Variants in HDLBP observed in about 807,000 individuals in gnomAD.
The protein encoded by HDLBP is high density lipoprotein binding protein, also known as vigilin.
In HDLBP, 30 loss-of-function variants were observed where a neutral mutation model predicts 137.3. That is an observed-to-expected ratio of 0.22 (90% CI 0.16 to 0.30). The LOEUF (loss-of-function observed/expected upper bound fraction) is 0.30. Among genes scored for constraint, HDLBP ranks in the 10% least tolerant of loss-of-function variants. HDLBP has a pLI of 1.00. For missense variants in HDLBP, 1,119 were observed against 1,667.3 expected, an observed-to-expected ratio of 0.67 and a Z score of 5.73; for synonymous variants, 606 against 596.0, an observed-to-expected ratio of 1.02 and a Z score of -0.24.
Position 241,239,529 on chromosome 2 carries a change from G to A in HDLBP, c.2610+73C>T, listed in dbSNP as rs2070987768. The A allele has an allele frequency of 3.3e-5, 41 of 1,254,216 alleles. No homozygotes were observed. The highest frequency in any genetic ancestry group is 2.9e-4 in the South Asian group (23 of 78,602). The allele number at this position is 1,254,216 out of a possible 1,614,324, so 77.7% of individuals were successfully genotyped here. ...GAGTCACCTCCCTACAGGGTGGAGC[G>A]AACACTCATACACGGCTTCGGTGAG... is the stretch of plus-strand genomic sequence containing the variant. On this transcript the variant is annotated intron_variant, in intron 19 of 27. Transcript: ENST00000310931. The surrounding 1 kb of genome is among the most constrained non-coding windows in gnomAD (Gnocchi z 4.6).
At chr2:241,271,273 G>A (rs2074016981) in intron 1 of HDLBP, 1 of 354,886 alleles carries the variant, frequency 2.8e-6, no homozygotes, top group African/African-American at 2.2e-5. Context: ...AAACTATACT[G>A]AACCTGGACT....
chr2:241,281,646 CCTT>C (rs1012700371), intron 1 of HDLBP, among the ~76,000 whole-genome samples: 80 of 152,322 alleles, frequency 5.3e-4, no homozygotes, highest in African/African-American at 1.9e-3. Context: ...GTCACTACAG[CCTT>C]CACACGTGGC....
At chr2:241,280,367 T>TGTA (rs2074548906) in intron 1 of HDLBP, among the ~76,000 whole-genome samples, 2 of 152,234 alleles carry the variant, frequency 1.3e-5, no homozygotes, top group African/African-American at 2.4e-5. Context: ...TATATATTAT[T>TGTA]ACATTAAACT....
Position 241,271,054 on chromosome 2 carries a change from G to A in HDLBP, c.-102-2513C>T, listed in dbSNP as rs1486550203. The A allele has an allele frequency of 3.0e-6, 3 of 985,264 alleles. No individual in the cohort carries two copies. The African/African-American group carries it at 5.2e-5, about 17-fold the overall frequency. The allele number at this position is 985,264 out of a possible 1,614,324, so 61.0% of individuals were successfully genotyped here. On this transcript the variant is annotated intron_variant, in intron 1 of 27. Coordinates refer to ENST00000310931, the MANE Select transcript of HDLBP (RefSeq NM_005336.6). ...CTGTAAACGCTCCACCTCAAGTTAT[G>A]ACAAAATCTACAACTTCTTTCCCCT... is the stretch of plus-strand genomic sequence containing the variant.
At chr2:241,241,857 A>G (rs2071271260) in intron 17 of HDLBP, among the ~76,000 whole-genome samples, 1 of 152,216 alleles carries the variant, frequency 6.6e-6, no homozygotes, top group Admixed American at 6.5e-5. Flanking sequence ...CAAAAGTCAA[A>G]ACTGCTGAGC....
chr2:241,294,988 G>A (rs915760457), intron 1 of HDLBP, among the ~76,000 whole-genome samples: 4 of 152,122 alleles, frequency 2.6e-5, no homozygotes, highest in Non-Finnish European at 4.4e-5. Flanking sequence ...TGTGATCCCA[G>A]CTACTCGGGA....
At position 241,238,541 on chromosome 2, in the gene HDLBP, T is replaced by C. The variant is rs1478592275; in HGVS notation, c.2749+108A>G. 4 of 914,510 alleles carry C rather than the reference T, an allele frequency of 4.4e-6. No individual in the cohort carries two copies. Among genetic ancestry groups the C allele is most frequent in the Non-Finnish European group, 6.3e-6 (4 of 636,552 alleles). The allele number at this position is 914,510 out of a possible 1,614,324, so 56.6% of individuals were successfully genotyped here. On this transcript the variant is annotated intron_variant, in intron 20 of 27. Transcript: ENST00000310931. The surrounding 1 kb of genome is among the most constrained non-coding windows in gnomAD (Gnocchi z 4.9). ...GGAAGCCCCCAGAATACATAGATGG[T>C]TTTCCAGCAGAGACAGGAAAGAGCC...
chr2:241,272,406 CAGGGGTG>C lies in HDLBP; in HGVS notation c.-102-3872_-102-3866del. ...CCTCCGCGCCGTGCGGCCACGGCAC[CAGGGGTG>C]CCCCACCGAAGCCCCGGGAGGAGGC... is the stretch of plus-strand genomic sequence containing the variant. On this transcript the variant is annotated intron_variant, in intron 1 of 27. Coordinates refer to ENST00000310931, the MANE Select transcript of HDLBP (RefSeq NM_005336.6). This position sits in a 1 kb window ranked among gnomAD's most constrained non-coding sequence, Gnocchi z 5.6. 1.0e-6 allele frequency: 1 copy of C among 984,592 alleles called. No homozygotes were observed. 61.0% of individuals were successfully genotyped at this position (984,592 alleles called of 1,614,324 possible).
chr2:241,282,154 C>T (rs1380094773), intron 1 of HDLBP, among the ~76,000 whole-genome samples: 2 of 152,160 alleles, frequency 1.3e-5, no homozygotes, highest in African/African-American at 4.8e-5. Flanking sequence ...AAGAGGAGCA[C>T]GTTACGTTTA....
At chr2:241,290,348 C>T (rs1164327392) in intron 1 of HDLBP, among the ~76,000 whole-genome samples, 1 of 152,112 alleles carries the variant, frequency 6.6e-6, no homozygotes, top group Non-Finnish European at 1.5e-5. Flanking sequence ...CAGTGGTTTA[C>T]GCCTGTAATC....
At position 241,262,911 on chromosome 2, in the gene HDLBP, G is replaced by A. The variant is rs149970855; in HGVS notation, c.250C>T (p.Leu84=). Reference sequence around the variant, plus strand: ...ATATCCTTGTATTTTCTCTCCTCCAGGGGTACATGGAACACCTGCTCAAAA... The same window carrying A: ...ATATCCTTGTATTTTCTCTCCTCCAAGGGTACATGGAACACCTGCTCAAAA... ...SVITQVFHVP[L]EERKYKDMNQ... The change falls in exon 5 of 28, where the codon CTG becomes TTG. Residue 84 remains leucine, a synonymous_variant. Transcript: ENST00000310931. 2.1e-5 allele frequency: 34 copies of A among 1,613,578 alleles called. No homozygotes were observed. Among genetic ancestry groups the A allele is most frequent in the Middle Eastern group, 1.6e-4 (1 of 6,062 alleles).
At chr2:241,292,414 G>C (rs573071666) in intron 1 of HDLBP, among the ~76,000 whole-genome samples, 1 of 152,174 alleles carries the variant, frequency 6.6e-6, no homozygotes, top group African/African-American at 2.4e-5. Context: ...GATTTTCAAA[G>C]AGCTAAGAGG....
chr2:241,236,977 TGGGGGGG>T (rs530665718), intron 20 of HDLBP, among the ~76,000 whole-genome samples: 41 of 108,248 alleles, frequency 3.8e-4, no homozygotes, highest in African/African-American at 1.5e-3. Flanking sequence ...TCCCAGACCT[TGGGGGGG>T]GGGGGGGGGG....
chr2:241,257,548 T>C (rs1420398034), intron 5 of HDLBP, among the ~76,000 whole-genome samples: 1 of 151,222 alleles, frequency 6.6e-6, no homozygotes, highest in African/African-American at 2.4e-5. Flanking sequence ...GTGTTTCTAA[T>C]AGAAAAAAGG....
rs1574819015 is a variant in HDLBP, at chr2:241,229,478, T to C, written c.*123A>G. The stretch of plus-strand genomic sequence containing the variant: ...CAGGCGCTAGGCTCCCTGCGGGACC[T>C]CGGGAAGGGGGAAGAGCGTCAACAA... On this transcript the variant is annotated 3_prime_UTR_variant, in exon 28 of 28. Coordinates refer to ENST00000310931, the MANE Select transcript of HDLBP (RefSeq NM_005336.6). 1.4e-6 allele frequency: 1 copy of C among 736,004 alleles called. No homozygotes were observed. The highest frequency in any genetic ancestry group is 2.3e-6 in the Non-Finnish European group (1 of 443,706). 45.6% of individuals were successfully genotyped at this position (736,004 alleles called of 1,614,324 possible). A position where few individuals can be genotyped will look rare whatever the true frequency, so the allele number is the denominator to read the frequency against.
intron 1 of HDLBP, among the ~76,000 whole-genome samples, chr2:241,289,435 A>G (rs1393532764): frequency 6.6e-6 from 1 of 152,198 alleles, no homozygotes; most frequent in Non-Finnish European, 1.5e-5. Flanking sequence ...TCAACATTAA[A>G]CTGCACGAAT....
chr2:241,235,420 G>A lies in HDLBP; in HGVS notation c.3009+70C>T, dbSNP rs2070286546. On this transcript the variant is annotated intron_variant, in intron 22 of 27. Transcript: ENST00000310931. ...GCAGAGTCAACAGGAAGTTGAGAAAGGACACTGGCACTCGGGAGAGGATGC... is the reference window on the plus strand; with the variant it reads ...GCAGAGTCAACAGGAAGTTGAGAAAAGACACTGGCACTCGGGAGAGGATGC... The A allele has an allele frequency of 2.1e-6, 3 of 1,459,524 alleles. No homozygotes were observed. In the Admixed American group the frequency reaches 5.1e-5, roughly 25 times the overall value. 90.4% of individuals were successfully genotyped at this position (1,459,524 alleles called of 1,614,324 possible).
At chr2:241,294,484 A>T (rs1376919199) in intron 1 of HDLBP, among the ~76,000 whole-genome samples, 2 of 152,202 alleles carry the variant, frequency 1.3e-5, no homozygotes, top group Admixed American at 6.6e-5. Flanking sequence ...TATTTGAGAC[A>T]GAGTCTCGCT....
chr2:241,245,837 T>TA (rs1419576184), intron 16 of HDLBP, among the ~76,000 whole-genome samples: 2 of 152,020 alleles, frequency 1.3e-5, no homozygotes, highest in African/African-American at 4.8e-5. Flanking sequence ...AAAAATAACA[T>TA]AGACTTTGGA....
Sources: gnomAD v4.1 joint callset for allele counts (sites outside exome capture counted in the v4.1 genomes callset) on GRCh38, gnomAD v4.1.1 for gene constraint, Gnocchi (gnomAD v3.1) non-coding constraint, MANE v1.5 for transcripts, NCBI Gene and HGNC (gene_info 2026-07-23, HGNC 2026-07-21) for gene names.